ANXA13: variants seen among roughly 807,000 people sequenced by gnomAD.
The protein encoded by ANXA13 is annexin A13.
ANXA13 carries 36 observed loss-of-function variants against 46.6 expected under a neutral mutation model. The observed-to-expected ratio is 0.77, with a 90% CI of 0.59 to 1.02. The LOEUF (loss-of-function observed/expected upper bound fraction) is 1.02. Ranked by LOEUF, ANXA13 falls within the 50% of genes least tolerant of loss-of-function variation. The pLI is 0.00. For synonymous variants in ANXA13, 163 were observed against 152.9 expected, an observed-to-expected ratio of 1.07 and a Z score of -0.49; for missense variants, 417 against 396.5, an observed-to-expected ratio of 1.05 and a Z score of -0.44.
intron 1 of ANXA13, among the ~76,000 whole-genome samples, chr8:123,730,479 C>T (rs1327003988): frequency 2.0e-5 from 3 of 152,126 alleles, no homozygotes; most frequent in Non-Finnish European, 4.4e-5. Flanking sequence ...CACTGCTGGC[C>T]TAAGGAAATA....
intron 2 of ANXA13, among the ~76,000 whole-genome samples, chr8:123,709,096 T>C (rs752511434): frequency 1.3e-5 from 2 of 152,210 alleles, no homozygotes; most frequent in Non-Finnish European, 2.9e-5. Context: ...CCCTGAGTGA[T>C]GGAGAACAAG....
chr8:123,702,115 A>G (rs1410758025), intron 3 of ANXA13, among the ~76,000 whole-genome samples: 1 of 152,238 alleles, frequency 6.6e-6, no homozygotes, highest in Non-Finnish European at 1.5e-5. Context: ...TGTGTTCATT[A>G]CATATTAATA....
chr8:123,712,838 CCAAA>C, intron 1 of ANXA13, 85 bp from the exon 2 acceptor site: 6 of 1,169,832 alleles, frequency 5.1e-6, no homozygotes, highest in Non-Finnish European at 7.6e-6. Context: ...AACTGGAGGA[CCAAA>C]TAGTCATCCT....
At chr8:123,699,114 G>C (rs1813398037) in intron 3 of ANXA13, among the ~76,000 whole-genome samples, 3 of 152,198 alleles carry the variant, frequency 2.0e-5, no homozygotes, top group Non-Finnish European at 2.9e-5. Flanking sequence ...GCTAAATCCT[G>C]GAAGGGACAC....
intron 9 of ANXA13, among the ~76,000 whole-genome samples, chr8:123,684,982 G>A (rs965242990): frequency 2.9e-4 from 44 of 152,262 alleles, no homozygotes; most frequent in Admixed American, 2.6e-3. Context: ...GGGCCCTCCC[G>A]GCCACGTCCA....
At chr8:123,692,169 A>G (rs1813255528) in intron 8 of ANXA13, among the ~76,000 whole-genome samples, 1 of 152,248 alleles carries the variant, frequency 6.6e-6, no homozygotes, top group South Asian at 2.1e-4. Flanking sequence ...GGCCAGCTTC[A>G]GCTGAGGTAG....
intron 1 of ANXA13, among the ~76,000 whole-genome samples, chr8:123,713,376 C>A (rs1057223519): frequency 1.3e-5 from 2 of 152,140 alleles, no homozygotes; most frequent in African/African-American, 4.8e-5. Flanking sequence ...ACTATTGCAT[C>A]CACAGTTACC....
intron 1 of ANXA13, among the ~76,000 whole-genome samples, chr8:123,729,838 A>ATTGTCCAACAAACAAACAAAAACAC (rs1279883742): frequency 1.1e-4 from 16 of 151,966 alleles, no homozygotes; most frequent in Non-Finnish European, 1.8e-4. Context: ...ACACATACTA[A>ATTGTCCAACAAACAAACAAAAACAC]TTGTCCAACA....
At chr8:123,681,402 T>C (rs1486710736) in intron 10 of ANXA13, 43 bp from the exon 11 acceptor site, 3 of 1,589,574 alleles carry the variant, frequency 1.9e-6, no homozygotes, top group Non-Finnish European at 2.6e-6. Flanking sequence ...ACGTTTATGG[T>C]GTGTTCACAA....
chr8:123,694,126 C>T (rs1434521104), intron 6 of ANXA13, among the ~76,000 whole-genome samples: 1 of 152,124 alleles, frequency 6.6e-6, no homozygotes, highest in Non-Finnish European at 1.5e-5. Context: ...ACTCAAGGTC[C>T]CAGTCCTAAA....
chr8:123,684,630 T>C lies in ANXA13; in HGVS notation c.811A>G (p.Ile271Val). The C allele has an allele frequency of 1.2e-6, 2 of 1,614,006 alleles. No homozygotes were observed. The highest frequency in any genetic ancestry group is 1.7e-6 in the Non-Finnish European group (2 of 1,179,872). Residue 271 changes from isoleucine to valine, a missense_variant, in exon 10 of 11, where the codon ATA becomes GTA. Transcript: ENST00000419625. Reference protein sequence around the residue: ...AGTDEETLIRIVVTRAEVDLQ... With the variant: ...AGTDEETLIRVVVTRAEVDLQ... ...CTTACCTCGGCCCTGGTCACGACTA[T>C]GCGAATCAACGTCTCCTCATCGGTC...
intron 2 of ANXA13, among the ~76,000 whole-genome samples, chr8:123,703,296 G>A (rs756170327): frequency 2.0e-4 from 31 of 152,142 alleles, no homozygotes; most frequent in African/African-American, 3.4e-4. Context: ...ATGAAAGTCC[G>A]GAACAGGAGA....
At chr8:123,722,623 G>A (rs1323846994) in intron 1 of ANXA13, among the ~76,000 whole-genome samples, 4 of 152,164 alleles carry the variant, frequency 2.6e-5, no homozygotes, top group African/African-American at 9.7e-5. Flanking sequence ...TGTAGGAGAG[G>A]CACTATTGTC....
chr8:123,723,486 TA>T (rs1813925399), intron 1 of ANXA13, among the ~76,000 whole-genome samples: 1 of 152,202 alleles, frequency 6.6e-6, no homozygotes, highest in Admixed American at 6.5e-5. Context: ...CAGTTCCAGG[TA>T]AACCAGGATG....
At chr8:123,714,163 C>T (rs1391258193) in intron 1 of ANXA13, among the ~76,000 whole-genome samples, 1 of 152,194 alleles carries the variant, frequency 6.6e-6, no homozygotes, top group Non-Finnish European at 1.5e-5. Flanking sequence ...CATCCTTATT[C>T]TCCTTATTTC....
chr8:123,725,006 T>A (rs570575083), intron 1 of ANXA13, among the ~76,000 whole-genome samples: 1 of 152,300 alleles, frequency 6.6e-6, no homozygotes, highest in African/African-American at 2.4e-5. Context: ...TCCCACTGTA[T>A]CCCATGTGGA....
At chr8:123,689,030 C>T (rs1428064448) in intron 8 of ANXA13, 84 bp from the exon 9 acceptor site, 1 of 1,341,706 alleles carries the variant, frequency 7.5e-7, no homozygotes, top group South Asian at 1.2e-5. Flanking sequence ...ACAAAAAGCA[C>T]TCAAGTTTTC....
chr8:123,714,118 G>A (rs1266055304), intron 1 of ANXA13, among the ~76,000 whole-genome samples: 1 of 152,220 alleles, frequency 6.6e-6, no homozygotes, highest in African/African-American at 2.4e-5. Context: ...TCAACCACAT[G>A]CAGCTCAGTG....
At chr8:123,726,393 GT>G in intron 1 of ANXA13, among the ~76,000 whole-genome samples, 1 of 152,332 alleles carries the variant, frequency 6.6e-6, no homozygotes, top group African/African-American at 2.4e-5. Context: ...CCTTAAACTG[GT>G]GGGCACCATT....
Sources: gnomAD v4.1 joint callset for allele counts (sites outside exome capture counted in the v4.1 genomes callset) on GRCh38, gnomAD v4.1.1 for gene constraint, MANE v1.5 for transcripts, NCBI Gene and HGNC (gene_info 2026-07-23, HGNC 2026-07-21) for gene names.